Variants in TMEM116 observed in about 807,000 individuals in gnomAD.
TMEM116 encodes the protein transmembrane protein 116.
A neutral mutation model predicts 44.3 loss-of-function variants in TMEM116; 38 were observed. That is an observed-to-expected ratio of 0.86 (90% CI 0.66 to 1.12). The LOEUF (loss-of-function observed/expected upper bound fraction) is 1.12. Ranked by LOEUF, TMEM116 falls within the 50% of genes most tolerant of loss-of-function variation. The pLI is 0.00. For missense variants in TMEM116, 354 were observed against 401.7 expected (o/e 0.88, Z 1.01); for synonymous variants, 132 against 144.8 (o/e 0.91, Z 0.64).
intron 5 of TMEM116, among the ~76,000 whole-genome samples, chr12:111,940,529 A>ATATATATATACACACACATATATGTG (rs1230033138): frequency 1.7e-5 from 2 of 119,156 alleles, no homozygotes; most frequent in African/African-American, 4.2e-5. Flanking sequence ...ATGTGTATAT[A>ATATATATATACACACACATATATGTG]TATATATATA....
intron 4 of TMEM116, among the ~76,000 whole-genome samples, chr12:111,985,380 A>G (rs531073451): frequency 1.3e-5 from 2 of 152,288 alleles, no homozygotes; most frequent in African/African-American, 4.8e-5. Context: ...CTGCACTTCT[A>G]TGTATTAACA....
intron 4 of TMEM116, among the ~76,000 whole-genome samples, chr12:111,983,225 C>T (rs184594097): frequency 1.3e-5 from 2 of 152,102 alleles, no homozygotes; most frequent in Admixed American, 1.3e-4. Context: ...CACCTGGGGT[C>T]AGGAGTCTGA....
chr12:111,962,909 C>G (rs1046076881), intron 4 of TMEM116, among the ~76,000 whole-genome samples: 3 of 152,146 alleles, frequency 2.0e-5, no homozygotes, highest in Non-Finnish European at 4.4e-5. Flanking sequence ...TTTTTGCAAT[C>G]TATCCATCTG....
At position 111,968,294 on chromosome 12, in the gene TMEM116, G is replaced by A. The variant is rs114662456; in HGVS notation, c.210+23464C>T. On this transcript the variant is annotated intron_variant, in intron 4 of 10. Transcript: ENST00000552374. ...ATAATTCAACAAGGTATATGGGGTA[G>A]AGTACTCAGGAAGGTCTTGCCTCAT... Among the ~76,000 whole-genome samples, 1,218 of 152,184 alleles carry A rather than the reference G, an allele frequency of 8.0e-3. 15 individuals carry two copies. Among genetic ancestry groups the A allele is most frequent in the African/African-American group, 0.028 (1,168 of 41,518 alleles).
In TMEM116 at chr12:111,991,755, C is replaced by A; in HGVS notation, c.210+3G>T. On this transcript the variant is annotated splice_donor_region_variant and intron_variant, in intron 4 of 10. Coordinates refer to ENST00000552374, the MANE Select transcript of TMEM116 (RefSeq NM_001193531.2). Reference sequence around the variant, plus strand: ...GGTGCAGTGACAGTCTTGTAGCACTCACCTGTCCAACTGCTTGTAGGTTAT... The same window carrying A: ...GGTGCAGTGACAGTCTTGTAGCACTAACCTGTCCAACTGCTTGTAGGTTAT... 1.3e-6 allele frequency: 2 copies of A among 1,534,390 alleles called. No individual in the cohort carries two copies. Among genetic ancestry groups the A allele is most frequent in the East Asian group, 2.4e-5 (1 of 40,826 alleles).
chr12:112,001,931 C>G (rs1220995800), intron 3 of TMEM116, among the ~76,000 whole-genome samples: 3 of 152,142 alleles, frequency 2.0e-5, no homozygotes, highest in Admixed American at 2.0e-4. Context: ...CAAGACAAGG[C>G]TGCATTCAAA....
intron 3 of TMEM116, among the ~76,000 whole-genome samples, chr12:111,995,490 T>A (rs2076882927): frequency 6.6e-6 from 1 of 152,152 alleles, no homozygotes; most frequent in Non-Finnish European, 1.5e-5. Flanking sequence ...ACGTCTGTAA[T>A]CTCTGCACTT....
At chr12:111,988,440 TC>T (rs1395819209) in intron 4 of TMEM116, among the ~76,000 whole-genome samples, 1 of 151,606 alleles carries the variant, frequency 6.6e-6, no homozygotes, top group East Asian at 1.9e-4. Context: ...ACACCTGAAA[TC>T]CCAGCACTTT....
chr12:111,933,649 C>T (rs1194897875), intron 9 of TMEM116, among the ~76,000 whole-genome samples: 6 of 146,192 alleles, frequency 4.1e-5, no homozygotes, highest in African/African-American at 1.3e-4. Flanking sequence ...CCACCACGCC[C>T]GGCTAATTTT....
intron 5 of TMEM116, among the ~76,000 whole-genome samples, chr12:111,939,424 G>A (rs2136245296): frequency 7.0e-6 from 1 of 142,458 alleles, no homozygotes; most frequent in Admixed American, 7.4e-5. Context: ...CTGCACTCCA[G>A]CCTGGTGACA....
chr12:111,962,776 C>T (rs2136398072), intron 4 of TMEM116, among the ~76,000 whole-genome samples: 1 of 152,304 alleles, frequency 6.6e-6, no homozygotes, highest in South Asian at 2.1e-4. Context: ...ATGACTAAAA[C>T]ACCAAAATCA....
intron 3 of TMEM116, chr12:111,994,014 C>A: frequency 3.5e-6 from 2 of 572,100 alleles, no homozygotes; most frequent in East Asian, 3.9e-5. Flanking sequence ...CTTGCCCTCC[C>A]CCAAGATGCC....
intron 1 of TMEM116, chr12:112,005,597 C>T (rs2077533968): frequency 8.4e-6 from 6 of 714,478 alleles, no homozygotes; most frequent in South Asian, 1.3e-4. Flanking sequence ...CACTGAGGCT[C>T]ATACCTGTAA....
chr12:111,967,713 A>G (rs934969866), intron 4 of TMEM116, among the ~76,000 whole-genome samples: 1 of 151,898 alleles, frequency 6.6e-6, no homozygotes, highest in Non-Finnish European at 1.5e-5. Context: ...ATAGGTGGGG[A>G]AAAAAATACA....
intron 4 of TMEM116, among the ~76,000 whole-genome samples, chr12:111,986,063 G>A (rs1285541387): frequency 6.6e-6 from 1 of 151,742 alleles, no homozygotes; most frequent in Non-Finnish European, 1.5e-5. Flanking sequence ...AAACAATCTT[G>A]AAAAAGAAGA....
At chr12:111,932,457 T>C (rs925970653) in intron 10 of TMEM116, 129 bp downstream of exon 10, 16 of 749,346 alleles carry the variant, frequency 2.1e-5, no homozygotes, top group Non-Finnish European at 3.6e-5. Flanking sequence ...TGAGTGTAAA[T>C]AATACATTTT....
At chr12:112,012,218 C>A (rs1212325949) in intron 1 of TMEM116, 1 of 152,256 alleles carries the variant, frequency 6.6e-6, no homozygotes, top group East Asian at 1.9e-4. Context: ...CACCTCCTGT[C>A]TACAACTTCC....
At chr12:111,979,468 T>G (rs929755734) in intron 4 of TMEM116, among the ~76,000 whole-genome samples, 26 of 151,982 alleles carry the variant, frequency 1.7e-4, no homozygotes, top group Non-Finnish European at 2.9e-4. Context: ...AGCAGACTGG[T>G]GGGGGATGAA....
chr12:111,936,866 A>C (rs2136234185), intron 7 of TMEM116, 36 bp from the exon 8 acceptor site: 8 of 1,543,958 alleles, frequency 5.2e-6, no homozygotes, highest in Non-Finnish European at 7.0e-6. Context: ...GTACTACTAC[A>C]GATGTAAGAA....
Sources: gnomAD v4.1 joint callset for allele counts (sites outside exome capture counted in the v4.1 genomes callset) on GRCh38, gnomAD v4.1.1 for gene constraint, MANE v1.5 for transcripts, NCBI Gene and HGNC (gene_info 2026-07-23, HGNC 2026-07-21) for gene names.